The following PCDHGA4 variants were observed in gnomAD, a reference collection of about 807,000 sequenced individuals.
PCDHGA4 encodes the protein protocadherin gamma subfamily A, 4.
In PCDHGA4, 38 loss-of-function variants were observed where a neutral mutation model predicts 54.6. The observed-to-expected ratio is 0.70, with a 90% confidence interval of 0.54 to 0.91. The LOEUF (loss-of-function observed/expected upper bound fraction) is 0.91. Ranked by LOEUF, PCDHGA4 falls within the 40% of genes least tolerant of loss-of-function variation. The pLI, the probability that PCDHGA4 is intolerant of heterozygous loss-of-function variation, is 0.00. For synonymous variants in PCDHGA4, 511 were observed against 512.9 expected, an observed-to-expected ratio of 1.00 and a Z score of 0.05; for missense variants, 1,298 against 1,220.9, an observed-to-expected ratio of 1.06 and a Z score of -0.94.
In PCDHGA4 at chr5:141,486,421, G is replaced by C; in HGVS notation, c.2515-8386G>C. 1 of 1,614,152 alleles carries C rather than the reference G, an allele frequency of 6.2e-7. No individual in the cohort carries two copies. Among genetic ancestry groups the C allele is most frequent in the African/African-American group, 1.3e-5 (1 of 75,028 alleles). On this transcript the variant is annotated intron_variant, in intron 1 of 3. Coordinates refer to ENST00000571252, the MANE Select transcript of PCDHGA4 (RefSeq NM_018917.4). This position sits in a 1 kb window ranked among gnomAD's most constrained non-coding sequence, Gnocchi z 5.0. Reference sequence around the variant, plus strand: ...TGACTGCTGGACCCTTGGATCGAGAGGCCAAATCTAGCTATGACATCATGG... The same window carrying C: ...TGACTGCTGGACCCTTGGATCGAGACGCCAAATCTAGCTATGACATCATGG...
Position 141,491,586 on chromosome 5 carries a change from G to T in PCDHGA4, c.2515-3221G>T, listed in dbSNP as rs373990387. ...ACAGGACGTGCTTTTCACCGGCCTC[G>T]GACGGCAGTGACTTCACTTTTCTAA... On this transcript the variant is annotated intron_variant, in intron 1 of 3. Transcript: ENST00000571252. This position sits in a 1 kb window ranked among gnomAD's most constrained non-coding sequence, Gnocchi z 6.9. 2.1e-5 allele frequency: 34 copies of T among 1,613,792 alleles called. No individual in the cohort carries two copies. In the African/African-American group the frequency reaches 2.4e-4, roughly 11 times the overall value.
At chr5:141,421,523 C>G in intron 1 of PCDHGA4, 1 of 1,614,034 alleles carries the variant, frequency 6.2e-7, no homozygotes, top group Non-Finnish European at 8.5e-7. Context: ...CTCTGTGAGA[C>G]GGTGTCCTCC....
Position 141,477,304 on chromosome 5 carries a change from T to C in PCDHGA4, c.2515-17503T>C. The C allele has an allele frequency of 6.2e-7, 1 of 1,614,160 alleles. No individual in the cohort carries two copies. Among genetic ancestry groups the C allele is most frequent in the Non-Finnish European group, 8.5e-7 (1 of 1,180,030 alleles). ...CCTGCGAAGTTCCACCGGGTCTCCCTTTCAGCCTTACTTCTTCCCTCAAGA... is the reference window on the plus strand; with the variant it reads ...CCTGCGAAGTTCCACCGGGTCTCCCCTTCAGCCTTACTTCTTCCCTCAAGA... On this transcript the variant is annotated intron_variant, in intron 1 of 3. Transcript: ENST00000571252. This position sits in a 1 kb window ranked among gnomAD's most constrained non-coding sequence, Gnocchi z 4.9.
chr5:141,418,542 T>A (rs1260030087), intron 1 of PCDHGA4: 1 of 1,614,028 alleles, frequency 6.2e-7, no homozygotes, highest in South Asian at 1.1e-5. Context: ...ACTGCTCAGA[T>A]AAGAATCCTG....
At chr5:141,449,080 A>G (rs2098627421) in intron 1 of PCDHGA4, among the ~76,000 whole-genome samples, 1 of 152,198 alleles carries the variant, frequency 6.6e-6, no homozygotes, top group Non-Finnish European at 1.5e-5. Context: ...CCCTGTACCT[A>G]CATCAGTTTT....
intron 1 of PCDHGA4, chr5:141,400,023 C>T (rs755667675): frequency 1.1e-5 from 18 of 1,612,872 alleles, no homozygotes; most frequent in Non-Finnish European, 1.3e-5. Context: ...GCGACAGGGA[C>T]GCGGCCCGCC....
At position 141,383,491 on chromosome 5, in the gene PCDHGA4, C is replaced by A. The variant is rs116533786; in HGVS notation, c.2514+25870C>A. ...TAAGTACCCGGAACTGGTGCTGGAG[C>A]GGGTGCTGGACCGGGAGGAAGAGCG... On this transcript the variant is annotated intron_variant, in intron 1 of 3. Transcript: ENST00000571252. 4.5e-4 allele frequency: 731 copies of A among 1,613,114 alleles called. 6 individuals are homozygous for A. In the African/African-American group the frequency reaches 7.9e-3, roughly 17 times the overall value.
At chr5:141,415,284 G>A (rs186109113) in intron 1 of PCDHGA4, 27 of 1,614,198 alleles carry the variant, frequency 1.7e-5, no homozygotes, top group Non-Finnish European at 2.3e-5. Context: ...CGGTGGCCGC[G>A]GTCTCCTGCG....
chr5:141,357,611 C>T lies in PCDHGA4; in HGVS notation c.2504C>T (p.Pro835Leu). The T allele has an allele frequency of 6.2e-7, 1 of 1,613,912 alleles. No individual in the cohort carries two copies. The highest frequency in any genetic ancestry group is 8.5e-7 in the Non-Finnish European group (1 of 1,179,866). Residue 835 changes from proline (P) to leucine (L), a missense_variant, in exon 1 of 4, where the codon CCT becomes CTT. Coordinates refer to ENST00000571252, the MANE Select transcript of PCDHGA4 (RefSeq NM_018917.4). ...GATTTACTTGAAACAAAAGGAGACC[C>T]TAATCTTCAGGTGAGTCAATCTTAT... ...TQDLLETKGD[P>L]NLQQAPPNTD...
At chr5:141,428,185 G>T (rs775261215) in intron 1 of PCDHGA4, 286 of 1,446,232 alleles carry the variant, frequency 2.0e-4, no homozygotes, top group Non-Finnish European at 2.5e-4. Context: ...GAGGACAGCC[G>T]CCGCTCTCTG....
chr5:141,501,501 T>C (rs2099809553), intron 2 of PCDHGA4, among the ~76,000 whole-genome samples: 1 of 151,938 alleles, frequency 6.6e-6, no homozygotes, highest in Non-Finnish European at 1.5e-5. Context: ...CTGCTGGGGC[T>C]CCAAGGCCTC....
rs1419016534 is a variant in PCDHGA4, at chr5:141,355,792, C to A, written c.685C>A (p.Arg229Ser). The change falls in exon 1 of 4, where the codon CGC becomes AGC. Residue 229 changes from arginine (R) to serine (S), a missense_variant. Arg to Ser is a moderately radical substitution (Grantham distance 110). Coordinates refer to ENST00000571252, the MANE Select transcript of PCDHGA4 (RefSeq NM_018917.4). Reference sequence around the variant, plus strand: ...TAAGTACCCAGAGCTGGTGCTGGAACGCGCTCTAGATCGCGAGGAAGAGGC... The same window carrying A: ...TAAGTACCCAGAGCTGGTGCTGGAAAGCGCTCTAGATCGCGAGGAAGAGGC... ...GIKYPELVLE[R>S]ALDREEEAVH... 8.1e-6 allele frequency: 13 copies of A among 1,613,562 alleles called. No individual in the cohort carries two copies. The South Asian group carries it at 1.3e-4, about 16-fold the overall frequency.
intron 1 of PCDHGA4, among the ~76,000 whole-genome samples, chr5:141,457,480 G>T (rs566798464): frequency 6.6e-6 from 1 of 152,148 alleles, no homozygotes; most frequent in African/African-American, 2.4e-5. Context: ...GCAGGGCCAG[G>T]GTTAGTCTAA....
intron 3 of PCDHGA4, among the ~76,000 whole-genome samples, chr5:141,509,164 C>A (rs1454864362): frequency 6.6e-6 from 1 of 152,188 alleles, no homozygotes; most frequent in Non-Finnish European, 1.5e-5. Context: ...TCCCGTGTGC[C>A]CTCCTCCTCT....
chr5:141,410,650 T>C (rs781083173), intron 1 of PCDHGA4: 3 of 1,590,604 alleles, frequency 1.9e-6, no homozygotes, highest in Non-Finnish European at 2.6e-6. Context: ...GTGTGATTTA[T>C]CTAATAGTCT....
chr5:141,394,325 T>G (rs563526295), intron 1 of PCDHGA4: 3 of 1,614,012 alleles, frequency 1.9e-6, no homozygotes, highest in South Asian at 2.2e-5. Flanking sequence ...TGTCCTCGTA[T>G]ATCTCCATCA....
chr5:141,408,720 A>T, intron 1 of PCDHGA4: 1 of 1,611,332 alleles, frequency 6.2e-7, no homozygotes, highest in Non-Finnish European at 8.5e-7. Context: ...TATAAGATAA[A>T]CTCTAATCCT....
chr5:141,415,740 G>GTTTTTTTTTTTTTTTTTTTTTTT (rs57426385), intron 1 of PCDHGA4: 14 of 625,046 alleles, frequency 2.2e-5, no homozygotes, highest in East Asian at 1.4e-4. Flanking sequence ...GTTTATTAAG[G>GTTTTTTTTTTTTTTTTTTTTTTT]TTTTTTTTTT....
chr5:141,377,619 G>T (rs1248552210), intron 1 of PCDHGA4: 2 of 145,890 alleles, frequency 1.4e-5, no homozygotes, highest in Admixed American at 1.4e-4. Flanking sequence ...AAAAAAAAAA[G>T]ATTTTGTTTT....
Sources: allele counts gnomAD v4.1 joint callset (sites outside exome capture counted in the v4.1 genomes callset), GRCh38; gene constraint gnomAD v4.1.1; non-coding constraint Gnocchi (gnomAD v3.1); transcripts MANE v1.5; gene names NCBI Gene and HGNC (gene_info 2026-07-23, HGNC 2026-07-21).